TSPAN4: variants seen among roughly 807,000 people sequenced by gnomAD.
The protein encoded by TSPAN4 is tetraspanin-4.
A neutral mutation model predicts 31.5 loss-of-function variants in TSPAN4; 38 were observed. That is an observed-to-expected ratio of 1.21 (90% CI 0.93 to 1.58). The LOEUF (loss-of-function observed/expected upper bound fraction) is 1.58, where lower values mean the gene tolerates loss of function less well. TSPAN4 is among the 40% of genes most tolerant of loss of function. The pLI is 0.00. For synonymous variants in TSPAN4, 186 were observed against 144.6 expected, an observed-to-expected ratio of 1.29 and a Z score of -2.06; for missense variants, 330 against 317.3, an observed-to-expected ratio of 1.04 and a Z score of -0.30.
chr11:856,718 G>A (rs962773273), intron 3 of TSPAN4, among the ~76,000 whole-genome samples: 1 of 152,244 alleles, frequency 6.6e-6, no homozygotes, highest in African/African-American at 2.4e-5. Flanking sequence ...CTCCCCATCT[G>A]GCTGCATTTG....
Position 866,009 on chromosome 11 carries a change from C to T in TSPAN4, c.648+8C>T, listed in dbSNP as rs1341837520. 1 of 1,611,446 alleles carries T rather than the reference C, an allele frequency of 6.2e-7. No individual in the cohort carries two copies. On this transcript the variant is annotated splice_region_variant and intron_variant, in intron 8 of 8. Coordinates refer to ENST00000397397, the MANE Select transcript of TSPAN4 (RefSeq NM_003271.5). ...TGCACGGCGCTGGTGCAGGTATGGC[C>T]TGGGGGCCTGCGGGCTCCCTGCCCC...
At chr11:853,782 G>A (rs1847888423) in intron 3 of TSPAN4, among the ~76,000 whole-genome samples, 1 of 152,232 alleles carries the variant, frequency 6.6e-6, no homozygotes, top group South Asian at 2.1e-4. Context: ...GCTCCGCTGG[G>A]GCACAGCCAC....
rs141864987 is a variant in TSPAN4 at position 860,236 on chromosome 11, A to G, written c.64-2314A>G. Reference sequence around the variant, plus strand: ...TTGTGGGGCCCCAGCAGTGGGGGGAATCTGCTCTGAGGGGATTTTACCCTG... The same window carrying G: ...TTGTGGGGCCCCAGCAGTGGGGGGAGTCTGCTCTGAGGGGATTTTACCCTG... On this transcript the variant is annotated intron_variant, in intron 3 of 8. Coordinates refer to ENST00000397397, the MANE Select transcript of TSPAN4 (RefSeq NM_003271.5). Among the ~76,000 whole-genome samples the G allele has an allele frequency of 2.6e-3, 402 of 152,244 alleles. 2 individuals carry two copies. The highest frequency in any genetic ancestry group is 9.3e-3 in the African/African-American group (386 of 41,560).
intron 3 of TSPAN4, among the ~76,000 whole-genome samples, chr11:853,629 G>A (rs1847879553): frequency 6.6e-6 from 1 of 152,208 alleles, no homozygotes; most frequent in Non-Finnish European, 1.5e-5. Context: ...AGGGTGGGGA[G>A]GTAGGATGTG....
Position 848,431 on chromosome 11 carries a change from G to A in TSPAN4, c.-18+1131G>A, listed in dbSNP as rs896411164. 2.0e-5 allele frequency among the ~76,000 whole-genome samples: 3 copies of A among 152,060 alleles called. No homozygotes were observed. Among genetic ancestry groups the A allele is most frequent in the Non-Finnish European group, 2.9e-5 (2 of 67,968 alleles). On this transcript the variant is annotated intron_variant, in intron 2 of 8. Transcript: ENST00000397397. The surrounding 1 kb of genome is among the most constrained non-coding windows in gnomAD (Gnocchi z 5.7). ...TCCCCCAGCGAGGACCTGGGCATGGGGTGCTGCCCTGGGGCTTGGGCTGCA... is the reference window on the plus strand; with the variant it reads ...TCCCCCAGCGAGGACCTGGGCATGGAGTGCTGCCCTGGGGCTTGGGCTGCA...
Position 862,962 on chromosome 11 carries a change from C to T in TSPAN4, c.255+221C>T, listed in dbSNP as rs1043284591. 2.7e-5 allele frequency: 15 copies of T among 562,852 alleles called. No homozygotes were observed. The Admixed American group carries it at 2.7e-4, about 10-fold the overall frequency. The allele number at this position is 562,852 out of a possible 1,614,324, so 34.9% of individuals were successfully genotyped here. ...TTTGCAGAGCGGTGTGGGGGTCACT[C>T]AAGAGAACGTGCTGTACCTTGTCAG... is the stretch of plus-strand genomic sequence containing the variant. On this transcript the variant is annotated intron_variant, in intron 4 of 8. Coordinates refer to ENST00000397397, the MANE Select transcript of TSPAN4 (RefSeq NM_003271.5).
intron 1 of TSPAN4, among the ~76,000 whole-genome samples, chr11:845,922 C>T (rs898259188): frequency 1.3e-5 from 2 of 152,144 alleles, no homozygotes; most frequent in Admixed American, 6.5e-5. Context: ...AGCCCCCAGT[C>T]CCTGCTCCTC....
intron 1 of TSPAN4, among the ~76,000 whole-genome samples, chr11:845,448 C>G (rs575432182): frequency 6.6e-6 from 1 of 152,098 alleles, no homozygotes. Flanking sequence ...TAGATGGGGC[C>G]GAGACTGAAC....
At position 848,774 on chromosome 11, in the gene TSPAN4, C is replaced by G; in HGVS notation, c.-18+1474C>G. The G allele has an allele frequency of 1.8e-6, 1 of 549,332 alleles. No homozygotes were observed. The highest frequency in any genetic ancestry group is 3.3e-6 in the Non-Finnish European group (1 of 303,682). 34.0% of individuals were successfully genotyped at this position (549,332 alleles called of 1,614,324 possible). A position where few individuals can be genotyped will look rare whatever the true frequency, so the allele number is the denominator to read the frequency against. ...ACGTGCTGATATCTTCCCAACACCG[C>G]AGGGCCCTTGTGCCCTGTGGTGGGG... On this transcript the variant is annotated intron_variant, in intron 2 of 8. Coordinates refer to ENST00000397397, the MANE Select transcript of TSPAN4 (RefSeq NM_003271.5). This position sits in a 1 kb window ranked among gnomAD's most constrained non-coding sequence, Gnocchi z 5.7.
intron 2 of TSPAN4, among the ~76,000 whole-genome samples, chr11:849,577 G>GCCCCGC (rs1847509308): frequency 6.6e-6 from 1 of 152,024 alleles, no homozygotes; most frequent in Non-Finnish European, 1.5e-5. Flanking sequence ...CCCGGCCCCG[G>GCCCCGC]CCTCCAGTCC....
intron 4 of TSPAN4, 88 bp from the exon 5 acceptor site, chr11:864,349 T>C (rs1848643121): frequency 6.6e-7 from 1 of 1,508,920 alleles, no homozygotes; most frequent in African/African-American, 1.4e-5. Context: ...CAGGTATCCA[T>C]GAGGTACGTG....
chr11:855,905 C>A (rs1333525827), intron 3 of TSPAN4, among the ~76,000 whole-genome samples: 1 of 152,214 alleles, frequency 6.6e-6, no homozygotes, highest in Non-Finnish European at 1.5e-5. Flanking sequence ...TGGCTGGCAG[C>A]CCAGCCATCT....
At chr11:864,566 T>TC in intron 5 of TSPAN4, 55 bp downstream of exon 5, 1 of 1,598,126 alleles carries the variant, frequency 6.3e-7, no homozygotes, top group Non-Finnish European at 8.5e-7. Context: ...CCATCCTCAC[T>TC]CCCAGGGAGC....
In TSPAN4 at chr11:848,768, A is replaced by T. The variant is rs1329245534; in HGVS notation, c.-18+1468A>T. On this transcript the variant is annotated intron_variant, in intron 2 of 8. Transcript: ENST00000397397. The surrounding 1 kb of genome is among the most constrained non-coding windows in gnomAD (Gnocchi z 5.7). ...TGGGCCACGTGCTGATATCTTCCCA[A>T]CACCGCAGGGCCCTTGTGCCCTGTG... 1 of 530,002 alleles carries T rather than the reference A, an allele frequency of 1.9e-6. No individual in the cohort carries two copies. The highest frequency in any genetic ancestry group is 2.0e-5 in the African/African-American group (1 of 51,120). The allele number at this position is 530,002 out of a possible 1,614,324, so 32.8% of individuals were successfully genotyped here.
intron 4 of TSPAN4, chr11:864,090 G>T (rs1440426005): frequency 8.0e-6 from 3 of 374,536 alleles, no homozygotes; most frequent in Admixed American, 3.7e-5. Flanking sequence ...CTGGATGGAG[G>T]TGTCCTGAAG....
intron 3 of TSPAN4, among the ~76,000 whole-genome samples, chr11:862,091 A>G (rs1029735109): frequency 3.9e-5 from 6 of 152,194 alleles, no homozygotes; most frequent in Admixed American, 3.3e-4. Context: ...TCCCGGAGTG[A>G]GGGCAGGGCT....
intron 3 of TSPAN4, among the ~76,000 whole-genome samples, chr11:858,957 C>T (rs1375569985): frequency 7.5e-6 from 1 of 132,674 alleles, no homozygotes; most frequent in African/African-American, 2.9e-5. Context: ...ACAGCTTGCA[C>T]CCCCGGCACA....
intron 1 of TSPAN4, among the ~76,000 whole-genome samples, chr11:845,077 C>T (rs11246330): frequency 6.6e-6 from 1 of 151,992 alleles, no homozygotes; most frequent in South Asian, 2.1e-4. Context: ...ACTGCCCGCC[C>T]GGAGGGCTGC....
rs376649411 is a variant in TSPAN4 at position 850,367 on chromosome 11, G to T, written c.63G>T (p.Trp21Cys). 6 of 1,601,286 alleles carry T rather than the reference G, an allele frequency of 3.7e-6. No homozygotes were observed. The highest frequency in any genetic ancestry group is 5.1e-6 in the Non-Finnish European group (6 of 1,178,572). Reference protein sequence around the residue: ...YLMFAFNLLFWLGGCGVLGVG... With the variant: ...YLMFAFNLLFCLGGCGVLGVG... ...TGTTCGCCTTCAACCTGCTCTTCTG[G>T]GTGAGTCCGGGGGCCGGGGTGGGGG... Residue 21 changes from tryptophan to cysteine, a missense_variant and splice_region_variant, in exon 3 of 9, where the codon TGG becomes TGT. By Grantham distance (215) the Trp-to-Cys change is radical. Coordinates refer to ENST00000397397, the MANE Select transcript of TSPAN4 (RefSeq NM_003271.5).
Sources: allele counts gnomAD v4.1 joint callset (sites outside exome capture counted in the v4.1 genomes callset), GRCh38; gene constraint gnomAD v4.1.1; non-coding constraint Gnocchi (gnomAD v3.1); transcripts MANE v1.5; gene names NCBI Gene and HGNC (gene_info 2026-07-23, HGNC 2026-07-21).